ACYP2: variants seen among roughly 807,000 people sequenced by gnomAD.
ACYP2 encodes acylphosphatase-2.
A neutral mutation model predicts 11.2 loss-of-function variants in ACYP2; 12 were observed. The ratio of observed to expected loss-of-function variants is 1.08; its 90% CI spans 0.69 to 1.74. The LOEUF (loss-of-function observed/expected upper bound fraction) is 1.74, where lower values mean the gene tolerates loss of function less well. ACYP2 is among the 40% of genes most tolerant of loss of function. The pLI is 0.00. For synonymous variants in ACYP2, 43 were observed against 32.2 expected (o/e 1.33, Z -1.13); for missense variants, 134 against 101.9 (o/e 1.31, Z -1.35).
chr2:54,160,986 A>T (rs775832938), intron 6 of ACYP2, among the ~76,000 whole-genome samples: 2 of 152,256 alleles, frequency 1.3e-5, no homozygotes, highest in Non-Finnish European at 2.9e-5. Flanking sequence ...ATCTCAAAGT[A>T]GGACCTTGGA....
chr2:54,006,545 C>G (rs1399227659), intron 2 of ACYP2, among the ~76,000 whole-genome samples: 2 of 152,136 alleles, frequency 1.3e-5, no homozygotes, highest in African/African-American at 2.4e-5. Flanking sequence ...TGCTTCGGCC[C>G]TCCAAAGTGC....
intron 6 of ACYP2, among the ~76,000 whole-genome samples, chr2:54,156,249 T>C (rs1160383404): frequency 1.3e-5 from 2 of 152,198 alleles, no homozygotes; most frequent in East Asian, 3.8e-4. Flanking sequence ...ATAAAAACTT[T>C]AGCATGAAAT....
chr2:54,097,785 A>G (rs1678670386), intron 4 of ACYP2, among the ~76,000 whole-genome samples: 1 of 151,844 alleles, frequency 6.6e-6, no homozygotes, highest in African/African-American at 2.4e-5. Flanking sequence ...TAACTGCAAA[A>G]GATATTTTTA....
chr2:54,115,512 C>T, intron 4 of ACYP2, 103 bp from the exon 1 acceptor site: 1 of 1,451,986 alleles, frequency 6.9e-7, no homozygotes, highest in Non-Finnish European at 9.1e-7. Flanking sequence ...CCCGGCTGCC[C>T]TCGCTCCCAG....
At chr2:53,977,479 A>G (rs1671550862) in intron 2 of ACYP2, among the ~76,000 whole-genome samples, 1 of 152,058 alleles carries the variant, frequency 6.6e-6, no homozygotes, top group Admixed American at 6.6e-5. Flanking sequence ...TCACACCTGT[A>G]ATCCCAGCAC....
At chr2:54,054,331 G>A (rs1011644512) in intron 3 of ACYP2, among the ~76,000 whole-genome samples, 4 of 152,214 alleles carry the variant, frequency 2.6e-5, no homozygotes, top group African/African-American at 9.6e-5. Flanking sequence ...TGCTAATAAT[G>A]TAAAAAAGGT....
rs199846741 is a variant in ACYP2, at chr2:54,001,368, T to TA, written c.62+27567dup. ...CCTGAACATAGTGAGACCTCGTCTCTAAAAAAAAATAACAAATTTAAAAAT... is the reference window on the plus strand; with the variant it reads ...CCTGAACATAGTGAGACCTCGTCTCTAAAAAAAAAATAACAAATTTAAAAAT... On this transcript the variant is annotated intron_variant, in intron 2 of 6. Coordinates refer to ENST00000607452, the MANE Select transcript of ACYP2 (RefSeq NM_001320586.2). Among the ~76,000 whole-genome samples, 579 of 151,254 alleles carry TA rather than the reference T, an allele frequency of 3.8e-3. 5 individuals carry two copies. Among genetic ancestry groups the TA allele is most frequent in the African/African-American group, 0.013 (533 of 41,304 alleles).
chr2:54,180,602 T>A (rs1430200945), intron 6 of ACYP2, among the ~76,000 whole-genome samples: 1 of 152,150 alleles, frequency 6.6e-6, no homozygotes, highest in African/African-American at 2.4e-5. Flanking sequence ...TCGCCCAGGC[T>A]AAAGTGTGGT....
At chr2:54,106,423 T>A (rs1679164557) in intron 4 of ACYP2, among the ~76,000 whole-genome samples, 2 of 152,192 alleles carry the variant, frequency 1.3e-5, no homozygotes, top group African/African-American at 4.8e-5. Context: ...AATATTTTTA[T>A]ACTGCAAAAA....
chr2:53,989,510 C>T (rs1279534214), intron 2 of ACYP2, among the ~76,000 whole-genome samples: 1 of 151,982 alleles, frequency 6.6e-6, no homozygotes, highest in African/African-American at 2.4e-5. Context: ...TAATGGACAT[C>T]TGTAATTGCT....
chr2:53,993,667 A>G (rs968719593), intron 2 of ACYP2, among the ~76,000 whole-genome samples: 1 of 151,836 alleles, frequency 6.6e-6, no homozygotes, highest in African/African-American at 2.4e-5. Flanking sequence ...ACTGCACTCC[A>G]GCCTGAGCGA....
chr2:54,141,759 T>C (rs767378392), intron 6 of ACYP2: 1 of 450,140 alleles, frequency 2.2e-6, no homozygotes, highest in Non-Finnish European at 4.0e-6. Context: ...TTTACCTATT[T>C]AACTGGAATT....
intron 6 of ACYP2, among the ~76,000 whole-genome samples, chr2:54,290,800 GAT>G (rs563597861): frequency 1.1e-4 from 17 of 152,130 alleles, no homozygotes; most frequent in Non-Finnish European, 2.4e-4. Flanking sequence ...TGTAGGAGTC[GAT>G]TTTAACATAA....
intron 4 of ACYP2, among the ~76,000 whole-genome samples, chr2:54,069,417 C>G (rs1002227240): frequency 1.3e-5 from 2 of 151,606 alleles, no homozygotes. Context: ...AATCCCAGCA[C>G]TTTGGGAGGC....
chr2:54,176,438 T>C (rs920584604), intron 6 of ACYP2, among the ~76,000 whole-genome samples: 6 of 152,228 alleles, frequency 3.9e-5, no homozygotes, highest in Non-Finnish European at 7.3e-5. Flanking sequence ...TGAGCTGTCA[T>C]ACCAGCTGTG....
intron 4 of ACYP2, among the ~76,000 whole-genome samples, chr2:54,067,189 A>ACTTG: frequency 4.6e-5 from 7 of 152,250 alleles, no homozygotes; most frequent in Non-Finnish European, 1.0e-4. Flanking sequence ...TCTGAAAGTT[A>ACTTG]AGTCTAAGTA....
Position 54,132,050 on chromosome 2 carries a change from G to A in ACYP2, c.278-3403G>A, listed in dbSNP as rs1420397798. 4.6e-5 allele frequency among the ~76,000 whole-genome samples: 7 copies of A among 152,154 alleles called. No individual in the cohort carries two copies. The East Asian group carries it at 1.3e-3, about 29-fold the overall frequency. On this transcript the variant is annotated intron_variant, in intron 4 of 6. Transcript: ENST00000607452. ...CTCTTTTCATAACGCTAATATTCTGGCCTGTTAGCGGTTGAGGAACTCAGA... is the reference window on the plus strand; with the variant it reads ...CTCTTTTCATAACGCTAATATTCTGACCTGTTAGCGGTTGAGGAACTCAGA...
chr2:54,300,313 T>C (rs1379679418), intron 6 of ACYP2, among the ~76,000 whole-genome samples: 1 of 152,178 alleles, frequency 6.6e-6, no homozygotes, highest in East Asian at 1.9e-4. Flanking sequence ...CAGATTCCCT[T>C]TCAAGATTGA....
At chr2:54,134,243 C>G (rs928128137) in intron 4 of ACYP2, among the ~76,000 whole-genome samples, 2 of 151,926 alleles carry the variant, frequency 1.3e-5, no homozygotes, top group Admixed American at 1.3e-4. Context: ...CAGTGAGCTA[C>G]GATTGCATCA....
Sources: allele counts gnomAD v4.1 joint callset (sites outside exome capture counted in the v4.1 genomes callset), GRCh38; gene constraint gnomAD v4.1.1; transcripts MANE v1.5; gene names NCBI Gene and HGNC (gene_info 2026-07-23, HGNC 2026-07-21).